The following TAF7L variants were observed in gnomAD, a reference collection of about 807,000 sequenced individuals.
TAF7L encodes TATA-box binding protein associated factor 7 like.
In TAF7L, 6 loss-of-function variants were observed where a neutral mutation model predicts 30.2. That is an observed-to-expected ratio of 0.20 (90% CI 0.11 to 0.39). TAF7L has a LOEUF of 0.39. TAF7L is among the 10% of genes least tolerant of loss of function. TAF7L has a pLI of 1.00. For synonymous variants in TAF7L, 93 were observed against 94.5 expected, an observed-to-expected ratio of 0.98 and a Z score of 0.09; for missense variants, 284 against 277.1, an observed-to-expected ratio of 1.03 and a Z score of -0.18.
intron 3 of TAF7L, among the ~76,000 whole-genome samples, chrX:101,286,302 T>C (rs993774789): frequency 1.3e-4 from 14 of 111,585 alleles, no homozygotes; most frequent in African/African-American, 4.6e-4. Context: ...AAAGTTTATA[T>C]ATGGGAGGCT....
chrX:101,279,894 C>G (rs1489834281), intron 6 of TAF7L, among the ~76,000 whole-genome samples: 1 of 110,122 alleles, frequency 9.1e-6, no homozygotes, highest in Non-Finnish European at 1.9e-5. Context: ...ACAAATAGTG[C>G]GAGAGCAATT....
intron 6 of TAF7L, among the ~76,000 whole-genome samples, chrX:101,280,342 G>A (rs758589802): frequency 8.9e-6 from 1 of 111,740 alleles, no homozygotes; most frequent in Non-Finnish European, 1.9e-5. Context: ...CAAAAGGCAT[G>A]AGCAGACATT....
At chrX:101,283,156 G>T (rs1245745150) in intron 4 of TAF7L, among the ~76,000 whole-genome samples, 3 of 112,185 alleles carry the variant, frequency 2.7e-5, no homozygotes, top group African/African-American at 9.7e-5. Context: ...ACAACATACT[G>T]TTTTAATACA....
chrX:101,292,818 C>CTA (rs1924873840), upstream of TAF7L: 1 of 1,208,430 alleles, frequency 8.3e-7, no homozygotes, highest in Non-Finnish European at 1.1e-6. Context: ...TTTCTGGGGC[C>CTA]TGGGCAGCAG....
At position 101,286,658 on chromosome X, in the gene TAF7L, A is replaced by T. The variant is rs1169140753; in HGVS notation, c.67-5T>A. ...CCTGACAGTACAAGCATGTTCCTAA[A>T]AAGGAGGTAAATTGAAAAATCAGAA... On this transcript the variant is annotated splice_region_variant and splice_polypyrimidine_tract_variant and intron_variant, in intron 2 of 12. Transcript: ENST00000356784. The T allele has an allele frequency of 1.6e-5, 19 of 1,187,597 alleles. No individual in the cohort carries two copies. Among genetic ancestry groups the T allele is most frequent in the Non-Finnish European group, 2.1e-5 (18 of 877,887 alleles).
At position 101,276,484 on chromosome X, in the gene TAF7L, T is replaced by C. The variant is rs201101568; in HGVS notation, c.736A>G (p.Asn246Asp). The change falls in exon 10 of 13, where the codon AAT becomes GAT. Residue 246 changes from asparagine (N) to aspartate (D), a missense_variant. Transcript: ENST00000356784. ...REMFSDSRSN[N>D]DDDEDEDDED... ...TCATCCTCATCCTCATCATCATCAT[T>C]GTTACTTCTAGAATCACTGAACATC... 18 of 1,207,133 alleles carry C rather than the reference T, an allele frequency of 1.5e-5. No homozygotes were observed. The highest frequency in any genetic ancestry group is 2.0e-5 in the Non-Finnish European group (18 of 893,498).
At chrX:101,289,984 G>A (rs140281855) in intron 1 of TAF7L, among the ~76,000 whole-genome samples, 191 of 109,451 alleles carry the variant, frequency 1.7e-3, no homozygotes, top group African/African-American at 6.0e-3. Context: ...GGAGGCTGAG[G>A]CAGGTGGATC....
chrX:101,275,829 A>G (rs773174957), intron 11 of TAF7L, among the ~76,000 whole-genome samples, 171 bp downstream of exon 11: 6 of 111,952 alleles, frequency 5.4e-5, no homozygotes, highest in African/African-American at 1.9e-4. Context: ...TAGATGATCA[A>G]AATTACTCAG....
intron 6 of TAF7L, among the ~76,000 whole-genome samples, chrX:101,281,245 C>G (rs1263275891): frequency 8.9e-6 from 1 of 112,117 alleles, no homozygotes; most frequent in Non-Finnish European, 1.9e-5. Context: ...CACGATATCT[C>G]TCTTTTATTT....
At chrX:101,291,374 C>A, upstream of TAF7L, 1 of 620,061 alleles carries the variant, frequency 1.6e-6, no homozygotes, top group South Asian at 8.3e-5. Context: ...GCGGCGCGCG[C>A]CGGCCCCTCC....
intron 4 of TAF7L, 130 bp downstream of exon 4, chrX:101,283,320 A>G (rs1408566677): frequency 4.2e-6 from 3 of 706,142 alleles, no homozygotes; most frequent in Non-Finnish European, 6.4e-6. Flanking sequence ...ATTCCTGTGC[A>G]GTCAATCTGG....
In TAF7L at chrX:101,276,425, T is replaced by TTCATCC. The variant is rs199759165; in HGVS notation, c.789_794dup (p.Glu267_Asp268dup). The TTCATCC allele has an allele frequency of 2.5e-5, 30 of 1,205,184 alleles. No individual in the cohort carries two copies. Among genetic ancestry groups the TTCATCC allele is most frequent in the Middle Eastern group, 2.3e-4 (1 of 4,360 alleles). Reference sequence around the variant, plus strand: ...CCTCCTCCTCTTCTTTGTCTTCATCTTCATCCTCATCCTCATCCTCATCCT... The same window carrying TTCATCC: ...CCTCCTCCTCTTCTTTGTCTTCATCTTCATCCTCATCCTCATCCTCATCCTCATCCT... On this transcript the variant is annotated inframe_insertion, in exon 10 of 13. Transcript: ENST00000356784.
intron 9 of TAF7L, among the ~76,000 whole-genome samples, chrX:101,277,403 G>T (rs1347504946): frequency 3.5e-5 from 3 of 85,412 alleles, no homozygotes; most frequent in African/African-American, 4.7e-5. Context: ...AGTGAGCCGA[G>T]ATCACGCCAC....
At chrX:101,276,614 T>G in intron 9 of TAF7L, 86 bp from the exon 10 acceptor site, 2 of 952,279 alleles carry the variant, frequency 2.1e-6, no homozygotes, top group South Asian at 2.3e-5. Flanking sequence ...TCCTTTCACA[T>G]TCCCCAGGCA....
rs373378593 is a variant in TAF7L, at chrX:101,275,101, A to G, written c.1086+121T>C. ...GACCTTGTTCCACCCTGCTACCTTC[A>G]TTTAGAAGATTTGGCTACCACTATT... is the stretch of plus-strand genomic sequence containing the variant. On this transcript the variant is annotated intron_variant, in intron 12 of 12. Coordinates refer to ENST00000356784, the MANE Select transcript of TAF7L (RefSeq NM_001168474.2). 1.2e-4 allele frequency: 68 copies of G among 545,221 alleles called. 2 individuals are homozygous for G. The highest frequency in any genetic ancestry group is 5.2e-4 in the East Asian group (14 of 27,172). 44.9% of individuals were successfully genotyped at this position (545,221 alleles called of 1,213,427 possible). A position where few individuals can be genotyped will look rare whatever the true frequency, so the allele number is the denominator to read the frequency against.
chrX:101,279,396 C>T (rs767753363), intron 6 of TAF7L, among the ~76,000 whole-genome samples: 7 of 111,295 alleles, frequency 6.3e-5, no homozygotes, highest in Non-Finnish European at 1.3e-4. Flanking sequence ...CCAAGGCGGG[C>T]GGATCACGTG....
At position 101,276,470 on chromosome X, in the gene TAF7L, CTCA is replaced by C. The variant is rs745905857; in HGVS notation, c.747_749del (p.Asp249del). On this transcript the variant is annotated inframe_deletion, in exon 10 of 13. Coordinates refer to ENST00000356784, the MANE Select transcript of TAF7L (RefSeq NM_001168474.2). ...CATCCTCATCTTCATCATCCTCATC[CTCA>C]TCATCATCATTGTTACTTCTAGAAT... The C allele has an allele frequency of 4.5e-4, 548 of 1,204,643 alleles. No homozygotes were observed. The highest frequency in any genetic ancestry group is 1.1e-3 in the South Asian group (65 of 56,580).
chrX:101,292,115 TGTAGTCC>T (rs1924830741), upstream of TAF7L, among the ~76,000 whole-genome samples: 1 of 101,817 alleles, frequency 9.8e-6, no homozygotes, highest in African/African-American at 3.6e-5. Flanking sequence ...GGCGGGCGCC[TGTAGTCC>T]CAGCTACTCG....
chrX:101,273,061 A>T (rs897024120), intron 12 of TAF7L, among the ~76,000 whole-genome samples: 1 of 111,480 alleles, frequency 9.0e-6, no homozygotes, highest in African/African-American at 3.3e-5. Context: ...GGCACGCACC[A>T]CCGCACCCAG....
Sources: allele counts gnomAD v4.1 joint callset (sites outside exome capture counted in the v4.1 genomes callset), GRCh38; gene constraint gnomAD v4.1.1; transcripts MANE v1.5; gene names NCBI Gene and HGNC (gene_info 2026-07-23, HGNC 2026-07-21).